OPA3: variants seen among roughly 807,000 people sequenced by gnomAD.
OPA3 encodes outer mitochondrial membrane lipid metabolism regulator OPA3.
In OPA3, 6 loss-of-function variants were observed where a neutral mutation model predicts 4.0. The observed-to-expected ratio is 1.51, with a 90% CI of 0.83 to 2.99. OPA3 has a LOEUF of 2.99. Among genes scored for constraint, OPA3 ranks in the 30% most tolerant of loss-of-function variants. The probability of loss-of-function intolerance (pLI) is 0.00; values close to 1 mark genes in which losing one functional copy is unlikely to be tolerated. For missense variants in OPA3, 235 were observed against 256.2 expected (o/e 0.92, Z 0.56); for synonymous variants, 105 against 117.1 (o/e 0.90, Z 0.67).
At chr19:45,540,034 T>A (rs1004029544) in intron 1 of OPA3, among the ~76,000 whole-genome samples, 5 of 151,984 alleles carry the variant, frequency 3.3e-5, no homozygotes, top group African/African-American at 1.2e-4. Flanking sequence ...ATGGGTGAGT[T>A]TCGGCCAGGC....
intron 1 of OPA3, among the ~76,000 whole-genome samples, chr19:45,536,359 C>A (rs766506382): frequency 6.6e-6 from 1 of 151,754 alleles, no homozygotes; most frequent in Non-Finnish European, 1.5e-5. Context: ...GCCTGGCCAA[C>A]ATGGCAAAAC....
At chr19:45,561,770 G>A (rs1251810403) in intron 1 of OPA3, among the ~76,000 whole-genome samples, 1 of 151,732 alleles carries the variant, frequency 6.6e-6, no homozygotes, top group African/African-American at 2.4e-5. Context: ...GTGAAACCCC[G>A]TCTCTACTAA....
At chr19:45,529,226 C>T (rs1969030725) in exon 2 of OPA3, 1 of 1,612,824 alleles carries the variant, frequency 6.2e-7, no homozygotes, top group Admixed American at 1.7e-5. Context: ...TGGCCCACCT[C>T]GCCCCGCAGC....
downstream of OPA3, chr19:45,546,154 G>T (rs11672063): frequency 0.44 from 67,681 of 152,256 alleles, 16,418 homozygotes; most frequent in Middle Eastern, 0.62. Flanking sequence ...ATGTGTTATG[G>T]AACACACTTA....
chr19:45,554,547 A>C (rs1969392542), intron 1 of OPA3, among the ~76,000 whole-genome samples: 3 of 152,152 alleles, frequency 2.0e-5, no homozygotes, highest in Admixed American at 2.0e-4. Flanking sequence ...TGCTGCTGGA[A>C]CAAAAACTCC....
chr19:45,537,632 CT>C (rs897452675), intron 1 of OPA3, among the ~76,000 whole-genome samples: 6 of 151,076 alleles, frequency 4.0e-5, no homozygotes, highest in Admixed American at 1.3e-4. Context: ...TTTTTCTTTT[CT>C]TTTATTTTCT....
At chr19:45,582,151 T>C (rs959597548) in intron 1 of OPA3, among the ~76,000 whole-genome samples, 3 of 151,652 alleles carry the variant, frequency 2.0e-5, no homozygotes, top group Non-Finnish European at 4.4e-5. Context: ...GGAGATTTTA[T>C]TTTTATTTTA....
intron 1 of OPA3, among the ~76,000 whole-genome samples, chr19:45,538,722 CA>C (rs3038837): frequency 0.065 from 6,864 of 105,860 alleles, 301 homozygotes; most frequent in East Asian, 0.24. Flanking sequence ...GACTCCGTCT[CA>C]AAAAAAAAAA....
At chr19:45,545,547 T>C (rs1969239294), downstream of OPA3, among the ~76,000 whole-genome samples, 1 of 150,396 alleles carries the variant, frequency 6.6e-6, no homozygotes, top group Non-Finnish European at 1.5e-5. Flanking sequence ...AACAAACAAA[T>C]GGAAAAAACA....
chr19:45,577,481 C>T (rs751662754), intron 1 of OPA3, among the ~76,000 whole-genome samples: 1 of 152,182 alleles, frequency 6.6e-6, no homozygotes. Flanking sequence ...GAAGCCAGTA[C>T]ATTGCAATAT....
chr19:45,553,928 G>A lies in OPA3; in HGVS notation c.143-17C>T. 6.3e-7 allele frequency: 1 copy of A among 1,592,672 alleles called. No individual in the cohort carries two copies. Among genetic ancestry groups the A allele is most frequent in the Non-Finnish European group, 8.6e-7 (1 of 1,164,344 alleles). ...AGTGATACACTGCGGGGGAAGAGAG[G>A]GGTCAGGCTGCGCTCTGGGAGCCCC... On this transcript the variant is annotated splice_polypyrimidine_tract_variant and intron_variant, in intron 1 of 1. Coordinates refer to ENST00000263275, the MANE Select transcript of OPA3 (RefSeq NM_025136.4).
chr19:45,532,118 C>G (rs1220900506), intron 1 of OPA3, among the ~76,000 whole-genome samples: 1 of 152,194 alleles, frequency 6.6e-6, no homozygotes, highest in African/African-American at 2.4e-5. Flanking sequence ...GGGAGCCACA[C>G]AAGTGGTCAG....
chr19:45,572,769 ATATATAT>A (rs1969703812), intron 1 of OPA3, among the ~76,000 whole-genome samples: 1 of 60,464 alleles, frequency 1.7e-5, no homozygotes, highest in African/African-American at 6.0e-5. Flanking sequence ...ATATATATCT[ATATATAT>A]CATACTATAT....
At chr19:45,532,664 G>C (rs1390908607) in intron 1 of OPA3, among the ~76,000 whole-genome samples, 1 of 152,078 alleles carries the variant, frequency 6.6e-6, no homozygotes, top group East Asian at 1.9e-4. Context: ...CTAATTTTCA[G>C]TCTTTATTTA....
Position 45,551,619 on chromosome 19 carries a change from T to C in OPA3, c.*1895A>G. 1 of 773,088 alleles carries C rather than the reference T, an allele frequency of 1.3e-6. No individual in the cohort carries two copies. The highest frequency in any genetic ancestry group is 1.6e-6 in the Non-Finnish European group (1 of 636,146). The allele number at this position is 773,088 out of a possible 1,614,324, so 47.9% of individuals were successfully genotyped here. Reference sequence around the variant, plus strand: ...TTCTGGACTCCAGAACTGTGTGAATTAAATTCCTGTTGGACTTAAGCCATC... The same window carrying C: ...TTCTGGACTCCAGAACTGTGTGAATCAAATTCCTGTTGGACTTAAGCCATC... On this transcript the variant is annotated 3_prime_UTR_variant, in exon 2 of 2. Transcript: ENST00000263275.
rs1173652351 is a variant in OPA3, at chr19:45,553,290, G to C, written c.*224C>G. Reference sequence around the variant, plus strand: ...TGCAGGTCGTCCTGGTTTGGAGTGGGGGATAGGAGGTGAAGGATGATGGAG... The same window carrying C: ...TGCAGGTCGTCCTGGTTTGGAGTGGCGGATAGGAGGTGAAGGATGATGGAG... On this transcript the variant is annotated 3_prime_UTR_variant, in exon 2 of 2. Transcript: ENST00000263275. The C allele has an allele frequency of 2.1e-6, 3 of 1,436,162 alleles. No individual in the cohort carries two copies. Among genetic ancestry groups the C allele is most frequent in the Non-Finnish European group, 1.8e-6 (2 of 1,098,102 alleles). The allele number at this position is 1,436,162 out of a possible 1,614,324, so 89.0% of individuals were successfully genotyped here. A position where few individuals can be genotyped will look rare whatever the true frequency, so the allele number is the denominator to read the frequency against.
At chr19:45,554,314 T>G (rs1468345025) in intron 1 of OPA3, among the ~76,000 whole-genome samples, 1 of 152,126 alleles carries the variant, frequency 6.6e-6, no homozygotes, top group African/African-American at 2.4e-5. Context: ...GGGCTACAGA[T>G]GGGGGAGAGG....
At chr19:45,584,510 A>G in intron 1 of OPA3, 113 bp downstream of exon 1, 2 of 1,572,314 alleles carry the variant, frequency 1.3e-6, no homozygotes, top group Non-Finnish European at 1.7e-6. Context: ...TGGCCACTGG[A>G]CTTTGCCGGT....
At chr19:45,531,878 C>A (rs1969064767) in intron 1 of OPA3, among the ~76,000 whole-genome samples, 3 of 152,198 alleles carry the variant, frequency 2.0e-5, no homozygotes, top group Admixed American at 2.0e-4. Context: ...CTCTCTTTAG[C>A]CCTTCGAATT....
Sources: allele counts gnomAD v4.1 joint callset (sites outside exome capture counted in the v4.1 genomes callset), GRCh38; gene constraint gnomAD v4.1.1; transcripts MANE v1.5; gene names NCBI Gene and HGNC (gene_info 2026-07-23, HGNC 2026-07-21).